RAPGEF5: variants seen among roughly 807,000 people sequenced by gnomAD.
RAPGEF5 encodes the protein Rap guanine nucleotide exchange factor 5.
RAPGEF5 carries 65 observed loss-of-function variants against 125.2 expected under a neutral mutation model. That is an observed-to-expected ratio of 0.52 (90% CI 0.43 to 0.64). The LOEUF is 0.64. Among genes scored for constraint, RAPGEF5 ranks in the 30% least tolerant of loss-of-function variants. The pLI, the probability that RAPGEF5 is intolerant of heterozygous loss-of-function variation, is 0.00. For missense variants in RAPGEF5, 958 were observed against 1,048.1 expected, an observed-to-expected ratio of 0.91 and a Z score of 1.19; for synonymous variants, 391 against 385.9, an observed-to-expected ratio of 1.01 and a Z score of -0.16.
intron 11 of RAPGEF5, 121 bp from the exon 12 acceptor site, chr7:22,167,269 G>A: frequency 1.5e-6 from 1 of 659,420 alleles, no homozygotes; most frequent in South Asian, 2.3e-5. Context: ...ATAGCTGTGG[G>A]AGGGATTAGG....
At chr7:22,204,611 C>A (rs1785356288) in intron 9 of RAPGEF5, among the ~76,000 whole-genome samples, 1 of 152,190 alleles carries the variant, frequency 6.6e-6, no homozygotes, top group Admixed American at 6.5e-5. Flanking sequence ...AGATACAAAG[C>A]ATCTTAAGTA....
chr7:22,162,482 C>A lies in RAPGEF5; in HGVS notation c.1343G>T (p.Arg448Leu), dbSNP rs982554635. 5.6e-6 allele frequency: 9 copies of A among 1,606,238 alleles called. No homozygotes were observed. Among genetic ancestry groups the A allele is most frequent in the Non-Finnish European group, 7.7e-6 (9 of 1,173,048 alleles). Residue 448 changes from arginine (R) to leucine (L), a missense_variant, in exon 13 of 26, where the codon CGT (arginine) becomes CTT (leucine). Transcript: ENST00000665637. ...CTGGGAAACAAGATGCAAGACTTTA[C>A]GTTTCCTACGCGGAACGTCTGAGTT... is the stretch of plus-strand genomic sequence containing the variant. Reference protein sequence around the residue: ...EENSDVPRRKRKVLHLVSQWI... With the variant: ...EENSDVPRRKLKVLHLVSQWI...
chr7:22,226,707 T>G (rs1785927354), intron 8 of RAPGEF5, among the ~76,000 whole-genome samples: 1 of 152,130 alleles, frequency 6.6e-6, no homozygotes, highest in African/African-American at 2.4e-5. Context: ...TGCTGGGGCA[T>G]CAGGGAGCTT....
intron 3 of RAPGEF5, among the ~76,000 whole-genome samples, chr7:22,313,072 A>C (rs1459479773): frequency 6.6e-6 from 1 of 152,202 alleles, no homozygotes; most frequent in African/African-American, 2.4e-5. Flanking sequence ...CTCCAGTTTC[A>C]ATACTAGGTA....
At chr7:22,250,336 T>C (rs1391729677) in intron 7 of RAPGEF5, among the ~76,000 whole-genome samples, 1 of 152,266 alleles carries the variant, frequency 6.6e-6, no homozygotes, top group Non-Finnish European at 1.5e-5. Flanking sequence ...AACTCTCAAG[T>C]GTTAAGTATT....
At chr7:22,274,673 C>T (rs1782515841) in intron 6 of RAPGEF5, among the ~76,000 whole-genome samples, 1 of 152,096 alleles carries the variant, frequency 6.6e-6, no homozygotes, top group Non-Finnish European at 1.5e-5. Context: ...CACAAATCTG[C>T]TCCATGAATG....
intron 7 of RAPGEF5, among the ~76,000 whole-genome samples, chr7:22,260,456 T>C (rs1470897582): frequency 7.1e-6 from 1 of 140,686 alleles, no homozygotes; most frequent in South Asian, 2.2e-4. Flanking sequence ...AAAAATAAAG[T>C]CTATCAAAAA....
rs555966930 is a variant in RAPGEF5, at chr7:22,289,570, A to G, written c.747+1605T>C. 7.2e-5 allele frequency among the ~76,000 whole-genome samples: 11 copies of G among 152,390 alleles called. No homozygotes were observed. The South Asian group carries it at 2.1e-3, about 29-fold the overall frequency. On this transcript the variant is annotated intron_variant, in intron 6 of 25. Transcript: ENST00000665637. ...GTGAATGCTTTTTAAACAGATGGCT[A>G]ATTATAATTATGCACACCACAGGCA... is the stretch of plus-strand genomic sequence containing the variant.
chr7:22,265,141 C>T (rs1170125232), intron 7 of RAPGEF5, among the ~76,000 whole-genome samples: 1 of 152,150 alleles, frequency 6.6e-6, no homozygotes, highest in African/African-American at 2.4e-5. Flanking sequence ...CTTCTTCTCT[C>T]GCTATTTTGC....
chr7:22,125,890 G>C (rs151129458), intron 24 of RAPGEF5, among the ~76,000 whole-genome samples: 1 of 152,330 alleles, frequency 6.6e-6, no homozygotes, highest in African/African-American at 2.4e-5. Flanking sequence ...GCTCTCACCT[G>C]TAATCCCAGC....
intron 3 of RAPGEF5, 106 bp from the exon 4 acceptor site, chr7:22,310,196 A>G (rs1489918439): frequency 8.1e-7 from 1 of 1,233,368 alleles, no homozygotes; most frequent in East Asian, 3.1e-5. Flanking sequence ...TGCTTTTTTT[A>G]GACAAGCAAC....
chr7:22,337,012 A>AT (rs1784039051), intron 1 of RAPGEF5, among the ~76,000 whole-genome samples: 1 of 152,170 alleles, frequency 6.6e-6, no homozygotes, highest in African/African-American at 2.4e-5. Flanking sequence ...ACTGCCCAAC[A>AT]TGTTCATCTT....
Position 22,125,649 on chromosome 7 carries a change from C to T in RAPGEF5, c.2491G>A (p.Ala831Thr), listed in dbSNP as rs1583380952. ...TGTCTCAGGGTTCGGACAGTGTCTG[C>T]GATCATATGCTGTAAAGTAGAACAG... ...LVNFEKLHMI[A>T]DTVRTLRHCR... Residue 831 changes from alanine to threonine, a missense_variant, in exon 25 of 26, where the codon GCA (alanine) becomes ACA (threonine). Physicochemically the swap from Ala to Thr is moderately conservative, Grantham distance 58. Transcript: ENST00000665637. The T allele has an allele frequency of 2.5e-6, 4 of 1,610,548 alleles. No homozygotes were observed. The highest frequency in any genetic ancestry group is 2.2e-5 in the East Asian group (1 of 44,844).
chr7:22,145,313 G>C, intron 19 of RAPGEF5, 91 bp from the exon 20 acceptor site: 1 of 1,220,418 alleles, frequency 8.2e-7, no homozygotes, highest in Non-Finnish European at 1.1e-6. Context: ...ACTTCAGGTA[G>C]TTCCTCCCAT....
intron 6 of RAPGEF5, among the ~76,000 whole-genome samples, chr7:22,276,344 T>C (rs1240710033): frequency 2.6e-5 from 4 of 152,246 alleles, no homozygotes; most frequent in African/African-American, 7.2e-5. Context: ...TTTAAACTCA[T>C]GTCTTACTAC....
intron 6 of RAPGEF5, among the ~76,000 whole-genome samples, chr7:22,270,609 A>C (rs1782395971): frequency 6.6e-6 from 1 of 152,226 alleles, no homozygotes; most frequent in South Asian, 2.1e-4. Context: ...CTAGGTCATT[A>C]GAAAAAAATG....
intron 7 of RAPGEF5, among the ~76,000 whole-genome samples, chr7:22,255,578 G>A (rs966496125): frequency 7.3e-5 from 11 of 151,018 alleles, no homozygotes; most frequent in South Asian, 4.3e-4. Context: ...GTGACAGAAT[G>A]AGACTGTCTC....
chr7:22,333,209 T>C (rs1422776495), intron 1 of RAPGEF5, among the ~76,000 whole-genome samples: 2 of 152,190 alleles, frequency 1.3e-5, no homozygotes, highest in Admixed American at 1.3e-4. Flanking sequence ...TAGATAAATA[T>C]TTAAGTATTT....
intron 4 of RAPGEF5, 108 bp downstream of exon 4, chr7:22,309,861 C>T (rs1160778179): frequency 1.4e-4 from 169 of 1,229,960 alleles, no homozygotes; most frequent in Non-Finnish European, 2.7e-5. Flanking sequence ...TATTTATCTT[C>T]AAAAATAATT....
Sources: allele counts gnomAD v4.1 joint callset (sites outside exome capture counted in the v4.1 genomes callset), GRCh38; gene constraint gnomAD v4.1.1; transcripts MANE v1.5; gene names NCBI Gene and HGNC (gene_info 2026-07-23, HGNC 2026-07-21).